ANK3: variants seen among roughly 807,000 people sequenced by gnomAD.
ANK3 encodes ankyrin-3.
Under a neutral mutation model 370.9 loss-of-function variants are expected in ANK3, and 57 were observed. That is an observed-to-expected ratio of 0.15 (90% confidence interval 0.12 to 0.19). The LOEUF is 0.19. Ranked by LOEUF, ANK3 falls within the 10% of genes least tolerant of loss-of-function variation. The pLI is 1.00. For missense variants in ANK3, 4,439 were observed against 5,302.1 expected (o/e 0.84, Z 5.06); for synonymous variants, 1,929 against 1,946.3 (o/e 0.99, Z 0.23).
At chr10:60,108,534 T>C (rs1019561579) in intron 27 of ANK3, among the ~76,000 whole-genome samples, 8 of 152,208 alleles carry the variant, frequency 5.3e-5, no homozygotes, top group African/African-American at 1.9e-4. Flanking sequence ...CTGTATTTTT[T>C]CCCTAGAATG....
intron 7 of ANK3, among the ~76,000 whole-genome samples, chr10:60,248,288 T>G (rs1185768031): frequency 1.3e-5 from 2 of 152,200 alleles, no homozygotes; most frequent in Non-Finnish European, 2.9e-5. Flanking sequence ...CACATTCCCA[T>G]CAACAATGTA....
chr10:60,573,939 T>C (rs139951129), intron 2 of ANK3, among the ~76,000 whole-genome samples: 183 of 152,284 alleles, frequency 1.2e-3, no homozygotes, highest in Non-Finnish European at 2.0e-3. Flanking sequence ...TCAGGAGACA[T>C]AGCATTCAAA....
chr10:60,558,972 T>C (rs1468998505), intron 2 of ANK3, among the ~76,000 whole-genome samples: 1 of 152,168 alleles, frequency 6.6e-6, no homozygotes, highest in Non-Finnish European at 1.5e-5. Context: ...ATGGCAAAAA[T>C]TCTGACTTGG....
rs72822216 is a variant in ANK3 at position 60,283,816 on chromosome 10, C to G, written c.115-4177G>C. ...GTGCCAACCTCAGTAATACTTCATACCTTTGACTATAAGCTAGACATGATT... is the reference window on the plus strand; with the variant it reads ...GTGCCAACCTCAGTAATACTTCATAGCTTTGACTATAAGCTAGACATGATT... On this transcript the variant is annotated intron_variant, in intron 1 of 43. Coordinates refer to ENST00000280772, the MANE Select transcript of ANK3 (RefSeq NM_020987.5). Among the ~76,000 whole-genome samples the G allele has an allele frequency of 2.4e-3, 359 of 152,086 alleles. 2 individuals carry two copies. Among genetic ancestry groups the G allele is most frequent in the Middle Eastern group, 3.4e-3 (1 of 294 alleles).
In ANK3 at chr10:60,213,427, A is replaced by G. The variant is rs1344425877; in HGVS notation, c.981T>C (p.Ile327=). Residue 327 remains isoleucine (I), a synonymous_variant, in exon 9 of 44, where the codon ATT becomes ATC. Transcript: ENST00000280772. ...VEMLLDRAAP[I]LSKTKNGLSP... ...AAGAAATTACCTTGGTTTTTGAAAGAATGGGGGCAGCTCGATCAAGCAACA... is the reference window on the plus strand; with the variant it reads ...AAGAAATTACCTTGGTTTTTGAAAGGATGGGGGCAGCTCGATCAAGCAACA... 6.2e-7 allele frequency: 1 copy of G among 1,612,340 alleles called. No individual in the cohort carries two copies. Among genetic ancestry groups the G allele is most frequent in the East Asian group, 2.2e-5 (1 of 44,840 alleles).
chr10:60,108,699 C>A, intron 27 of ANK3, 131 bp downstream of exon 27: 1 of 734,796 alleles, frequency 1.4e-6, no homozygotes, highest in Non-Finnish European at 2.3e-6. Context: ...TGACCTTTGA[C>A]ACTTTACAAA....
rs1236758615 is a variant in ANK3 at position 60,389,448 on chromosome 10, G to T, written c.91C>A (p.Arg31=). Reference sequence around the variant, plus strand: ...ACCTTTTTCTTCCGATCCCGGGACCGTTTGCGGTGTTTCCTTTTTTTCTCA... The same window carrying T: ...ACCTTTTTCTTCCGATCCCGGGACCTTTTGCGGTGTTTCCTTTTTTTCTCA... The part of the protein sequence containing the change: ...EPEKKRKHRK[R]SRDRKKKSDA... Residue 31 remains arginine (R), a synonymous_variant, in exon 1 of 44, where the codon CGG becomes AGG. Transcript: ENST00000280772. 3.1e-6 allele frequency: 5 copies of T among 1,613,876 alleles called. No homozygotes were observed. The highest frequency in any genetic ancestry group is 4.2e-6 in the Non-Finnish European group (5 of 1,179,940).
intron 7 of ANK3, among the ~76,000 whole-genome samples, chr10:60,261,039 T>C (rs758121486): frequency 2.6e-5 from 4 of 152,154 alleles, no homozygotes; most frequent in Non-Finnish European, 5.9e-5. Context: ...AGTGACGCAG[T>C]GAGGGAGAGG....
intron 2 of ANK3, among the ~76,000 whole-genome samples, chr10:60,514,266 G>T (rs2076161522): frequency 1.3e-5 from 2 of 152,100 alleles, no homozygotes; most frequent in African/African-American, 2.4e-5. Context: ...TGTGCAGGGG[G>T]TCAGTGCCCC....
intron 2 of ANK3, among the ~76,000 whole-genome samples, chr10:60,607,891 C>A (rs1271269763): frequency 1.3e-5 from 2 of 152,162 alleles, no homozygotes; most frequent in Non-Finnish European, 2.9e-5. Context: ...GAGGGAGAAA[C>A]CTACCTAATG....
chr10:60,516,559 T>C (rs10761514), intron 2 of ANK3, among the ~76,000 whole-genome samples: 35,170 of 151,956 alleles, frequency 0.23, 4,449 homozygotes, highest in East Asian at 0.47. Context: ...GACAAAATAA[T>C]GAGGCTGCTG....
At chr10:60,442,750 A>G (rs2064331652) in intron 2 of ANK3, among the ~76,000 whole-genome samples, 1 of 152,232 alleles carries the variant, frequency 6.6e-6, no homozygotes, top group African/African-American at 2.4e-5. Context: ...TTCTTGTTTT[A>G]CACATTATGC....
At chr10:60,592,006 A>G (rs2077922453) in intron 2 of ANK3, among the ~76,000 whole-genome samples, 2 of 152,208 alleles carry the variant, frequency 1.3e-5, no homozygotes, top group Non-Finnish European at 2.9e-5. Context: ...AAGACCTACT[A>G]TTTGATAGCA....
intron 2 of ANK3, among the ~76,000 whole-genome samples, chr10:60,583,140 T>C (rs1337472373): frequency 6.6e-6 from 1 of 152,128 alleles, no homozygotes; most frequent in Admixed American, 6.5e-5. Context: ...ATGGATAAAC[T>C]GTGGTACATA....
chr10:60,576,978 C>T (rs2133274348), intron 2 of ANK3, among the ~76,000 whole-genome samples: 1 of 152,282 alleles, frequency 6.6e-6, no homozygotes, highest in East Asian at 1.9e-4. Context: ...AGATGATATT[C>T]AATGGTAAAC....
rs1473046524 is a variant in ANK3 at position 60,080,629 on chromosome 10, A to G, written c.4351-11T>C. The stretch of plus-strand genomic sequence containing the variant: ...ATCTGTTTTCTCAATCTGAAAAGGA[A>G]AAAAAAAAAGACAACTCTATTTCCA... On this transcript the variant is annotated splice_polypyrimidine_tract_variant and intron_variant, in intron 35 of 43. Coordinates refer to ENST00000280772, the MANE Select transcript of ANK3 (RefSeq NM_020987.5). 4 of 1,532,156 alleles carry G rather than the reference A, an allele frequency of 2.6e-6. No homozygotes were observed. The highest frequency in any genetic ancestry group is 3.5e-6 in the Non-Finnish European group (4 of 1,139,960). 94.9% of individuals were successfully genotyped at this position (1,532,156 alleles called of 1,614,324 possible).
intron 1 of ANK3, among the ~76,000 whole-genome samples, chr10:60,624,669 C>T (rs2078383899): frequency 6.7e-6 from 1 of 150,236 alleles, no homozygotes; most frequent in Non-Finnish European, 1.5e-5. Flanking sequence ...CCTAACTTTA[C>T]ACCAACCAAC....
chr10:60,697,321 A>G (rs1328626652), intron 1 of ANK3, among the ~76,000 whole-genome samples: 1 of 152,014 alleles, frequency 6.6e-6, no homozygotes, highest in Non-Finnish European at 1.5e-5. Context: ...GAAAATGGCC[A>G]TACTGCCCAA....
intron 2 of ANK3, among the ~76,000 whole-genome samples, chr10:60,586,876 G>C (rs1370150103): frequency 6.6e-6 from 1 of 152,142 alleles, no homozygotes; most frequent in Non-Finnish European, 1.5e-5. Context: ...GCCACTAGGG[G>C]TTACGGCAGC....
Sources: allele counts gnomAD v4.1 joint callset (sites outside exome capture counted in the v4.1 genomes callset), GRCh38; gene constraint gnomAD v4.1.1; transcripts MANE v1.5; gene names NCBI Gene and HGNC (gene_info 2026-07-23, HGNC 2026-07-21).